The following PKDREJ variants were observed in gnomAD, a reference collection of about 807,000 sequenced individuals.
PKDREJ encodes the protein polycystin family receptor for egg jelly, also known as PKD and REJ homolog.
For missense variants in PKDREJ, 2,507 were observed against 2,807.2 expected (o/e 0.89, Z 2.42); for synonymous variants, 1,031 against 1,095.5 (o/e 0.94, Z 1.16).
In PKDREJ at chr22:46,262,296, C is replaced by T; in HGVS notation, c.1027G>A (p.Asp343Asn). 6.2e-7 allele frequency: 1 copy of T among 1,614,180 alleles called. No homozygotes were observed. Among genetic ancestry groups the T allele is most frequent in the Non-Finnish European group, 8.5e-7 (1 of 1,180,044 alleles). ...RSSLQAVMLGDANITANFTEQ... is the reference protein window; with the variant it reads ...RSSLQAVMLGNANITANFTEQ... ...GTGAAATTAGCTGTTATGTTGGCAT[C>T]GCCAAGCATCACCGCCTGCAGGGAA... Residue 343 changes from aspartate to asparagine, a missense_variant, in exon 1 of 1, where the codon GAT becomes AAT. Coordinates refer to ENST00000253255, the MANE Select transcript of PKDREJ (RefSeq NM_006071.2). The surrounding 1 kb of genome is among the most constrained non-coding windows in gnomAD (Gnocchi z 8.1).
chr22:46,262,512 G>T lies in PKDREJ; in HGVS notation c.811C>A (p.Pro271Thr). The T allele has an allele frequency of 6.3e-7, 1 of 1,587,504 alleles. No individual in the cohort carries two copies. Among genetic ancestry groups the T allele is most frequent in the Non-Finnish European group, 8.6e-7 (1 of 1,166,158 alleles). Residue 271 changes from proline (P) to threonine (T), a missense_variant, in exon 1 of 1, where the codon CCC becomes ACC. Coordinates refer to ENST00000253255, the MANE Select transcript of PKDREJ (RefSeq NM_006071.2). The surrounding 1 kb of genome is among the most constrained non-coding windows in gnomAD (Gnocchi z 8.1). Reference sequence around the variant, plus strand: ...AGATCCAAGGGCTGCGTCCAGTCGGGCGCCTGACCCACGGCGGGCACGGAG... The same window carrying T: ...AGATCCAAGGGCTGCGTCCAGTCGGTCGCCTGACCCACGGCGGGCACGGAG... ...VFSVPAVGQA[P>T]DWTQPLDLPQ...
At position 46,257,794 on chromosome 22, in the gene PKDREJ, T is replaced by A. The variant is rs1936649472; in HGVS notation, c.5529A>T (p.Glu1843Asp). 1 of 1,614,080 alleles carries A rather than the reference T, an allele frequency of 6.2e-7. No homozygotes were observed. The highest frequency in any genetic ancestry group is 1.1e-5 in the South Asian group (1 of 91,084). The change falls in exon 1 of 1, where the codon GAA becomes GAT. Residue 1843 changes from glutamate (E) to aspartate (D), a missense_variant. Transcript: ENST00000253255. This position sits in a 1 kb window ranked among gnomAD's most constrained non-coding sequence, Gnocchi z 4.7. ...TCTCATCTATAGCCTGCTTATCAAC[T>A]TCATTCCAAAAGCCAGAATAGTTTT... ...DTKNYSGFWN[E>D]VDKQAIDEST...
Position 46,262,335 on chromosome 22 carries a change from A to G in PKDREJ, c.988T>C (p.Trp330Arg), listed in dbSNP as rs147059681. ...EVKDSDAVYV[W>R]IVRSSLQAVM... ...GCCTGCAGGGAACTCCTGACGATCC[A>G]GACATAGACGGCGTCCGAGTCTTTC... The change falls in exon 1 of 1, where the codon TGG (tryptophan) becomes CGG (arginine). Residue 330 changes from tryptophan to arginine, a missense_variant. Trp to Arg is a moderately radical substitution (Grantham distance 101). Coordinates refer to ENST00000253255, the MANE Select transcript of PKDREJ (RefSeq NM_006071.2). This position sits in a 1 kb window ranked among gnomAD's most constrained non-coding sequence, Gnocchi z 8.1. The G allele has an allele frequency of 1.5e-4, 238 of 1,614,088 alleles. No individual in the cohort carries two copies. Among genetic ancestry groups the G allele is most frequent in the Non-Finnish European group, 1.9e-4 (221 of 1,180,042 alleles).
Position 46,260,352 on chromosome 22 carries a change from T to C in PKDREJ, c.2971A>G (p.Ser991Gly). Reference protein sequence around the residue: ...TTGGFSFQVDSTVLREVLVHI... With the variant: ...TTGGFSFQVDGTVLREVLVHI... ...ACCAGAACCTCCCTAAGCACTGTGC[T>C]GTCCACTTGAAAGCTAAACCCACCT... Residue 991 changes from serine to glycine, a missense_variant, in exon 1 of 1, where the codon AGC becomes GGC. Coordinates refer to ENST00000253255, the MANE Select transcript of PKDREJ (RefSeq NM_006071.2). This position sits in a 1 kb window ranked among gnomAD's most constrained non-coding sequence, Gnocchi z 4.5. 6.2e-7 allele frequency: 1 copy of C among 1,614,230 alleles called. No individual in the cohort carries two copies. The highest frequency in any genetic ancestry group is 8.5e-7 in the Non-Finnish European group (1 of 1,180,046).
Position 46,258,364 on chromosome 22 carries a change from A to T in PKDREJ, c.4959T>A (p.Tyr1653Ter). 2 of 1,614,166 alleles carry T rather than the reference A, an allele frequency of 1.2e-6. No homozygotes were observed. The highest frequency in any genetic ancestry group is 1.7e-6 in the Non-Finnish European group (2 of 1,180,048). ...CATCCAACCTGATCTCAGTATATTT[A>T]TACTTGGTTGACCATGAAAGGTTTT... ...YCKNLSWSTK[Y>*]KYTEIRLDGM... Residue 1653 changes from tyrosine to a stop codon, truncating the protein, a stop_gained, in exon 1 of 1, where the codon TAT becomes TAA. Transcript: ENST00000253255. LOFTEE classifies it low-confidence loss of function (END_TRUNC). The surrounding 1 kb of genome is among the most constrained non-coding windows in gnomAD (Gnocchi z 6.1).
rs1207123103 is a variant in PKDREJ at position 46,256,105 on chromosome 22, G to A, written c.*456C>T. On this transcript the variant is annotated 3_prime_UTR_variant, in exon 1 of 1. Transcript: ENST00000253255. The surrounding 1 kb of genome is among the most constrained non-coding windows in gnomAD (Gnocchi z 5.3). The stretch of plus-strand genomic sequence containing the variant: ...GGTCTACAAAGGGGCCTCCCAGTGA[G>A]GCCGAGGAGTTTGGGGCTCTGTCAG... The A allele has an allele frequency of 6.4e-6, 1 of 156,934 alleles. No individual in the cohort carries two copies. Among genetic ancestry groups the A allele is most frequent in the Admixed American group, 6.2e-5 (1 of 16,080 alleles). The allele number at this position is 156,934 out of a possible 1,614,324, so 9.7% of individuals were successfully genotyped here. A position where few individuals can be genotyped will look rare whatever the true frequency, so the allele number is the denominator to read the frequency against.
In PKDREJ at chr22:46,259,097, T is replaced by A. The variant is rs1226757562; in HGVS notation, c.4226A>T (p.Asn1409Ile). The change falls in exon 1 of 1, where the codon AAT (asparagine) becomes ATT (isoleucine). Residue 1409 changes from asparagine (N) to isoleucine (I), a missense_variant. By Grantham distance (149) the Asn-to-Ile change is moderately radical. Transcript: ENST00000253255. This position sits in a 1 kb window ranked among gnomAD's most constrained non-coding sequence, Gnocchi z 6.8. The stretch of plus-strand genomic sequence containing the variant: ...CTCAGTTTGTTCTTGTCTATTTAGA[T>A]TAAAGAACATAATGTTACAAAGAAG... Reference protein sequence around the residue: ...SSLLCNIMFFNLNRQEQTESR... With the variant: ...SSLLCNIMFFILNRQEQTESR... The A allele has an allele frequency of 6.2e-7, 1 of 1,613,028 alleles. No individual in the cohort carries two copies. The highest frequency in any genetic ancestry group is 1.3e-5 in the African/African-American group (1 of 74,908).
In PKDREJ at chr22:46,257,721, A is replaced by C. The variant is rs376830338; in HGVS notation, c.5602T>G (p.Tyr1868Asp). Reference protein sequence around the residue: ...YKPQGTQWLYYSYGLLHTYGS... With the variant: ...YKPQGTQWLYDSYGLLHTYGS... Reference sequence around the variant, plus strand: ...TAGGTGTGTAGTAGTCCATAGGAATAATATAGCCATTGCGTTCCTTGAGGC... The same window carrying C: ...TAGGTGTGTAGTAGTCCATAGGAATCATATAGCCATTGCGTTCCTTGAGGC... Residue 1868 changes from tyrosine (Y) to aspartate (D), a missense_variant, in exon 1 of 1, where the codon TAT becomes GAT. Coordinates refer to ENST00000253255, the MANE Select transcript of PKDREJ (RefSeq NM_006071.2). This position sits in a 1 kb window ranked among gnomAD's most constrained non-coding sequence, Gnocchi z 4.7. 4 of 1,614,206 alleles carry C rather than the reference A, an allele frequency of 2.5e-6. No individual in the cohort carries two copies. Among genetic ancestry groups the C allele is most frequent in the Non-Finnish European group, 2.5e-6 (3 of 1,180,028 alleles).
chr22:46,256,716 T>C lies in PKDREJ; in HGVS notation c.6607A>G (p.Met2203Val). 1 of 1,614,114 alleles carries C rather than the reference T, an allele frequency of 6.2e-7. No individual in the cohort carries two copies. The highest frequency in any genetic ancestry group is 1.1e-5 in the South Asian group (1 of 91,076). The change falls in exon 1 of 1, where the codon ATG (methionine) becomes GTG (valine). Residue 2203 changes from methionine (M) to valine (V), a missense_variant. Coordinates refer to ENST00000253255, the MANE Select transcript of PKDREJ (RefSeq NM_006071.2). This position sits in a 1 kb window ranked among gnomAD's most constrained non-coding sequence, Gnocchi z 5.3. Reference sequence around the variant, plus strand: ...GATTGCGAGGTCAGAAAGCTGAACATGGTTCTCAGCTTACGGCACAAATAG... The same window carrying C: ...GATTGCGAGGTCAGAAAGCTGAACACGGTTCTCAGCTTACGGCACAAATAG... ...MTYLCRKLRT[M>V]FSFLTSQSKA... is the part of the protein sequence containing the mutation.
Position 46,258,563 on chromosome 22 carries a change from G to T in PKDREJ, c.4760C>A (p.Thr1587Asn). 1 of 1,614,202 alleles carries T rather than the reference G, an allele frequency of 6.2e-7. No homozygotes were observed. The highest frequency in any genetic ancestry group is 8.5e-7 in the Non-Finnish European group (1 of 1,180,024). ...AATGAAGAATGAGGATATGCTAGAA[G>T]TAGCAAAAACCAAAAACCATGCAAC... ...VYVAWFLVFA[T>N]SSISSFFIVF... Residue 1587 changes from threonine (T) to asparagine (N), a missense_variant, in exon 1 of 1, where the codon ACT becomes AAT. Thr to Asn is a moderately conservative substitution (Grantham distance 65, BLOSUM62 0). Coordinates refer to ENST00000253255, the MANE Select transcript of PKDREJ (RefSeq NM_006071.2). The surrounding 1 kb of genome is among the most constrained non-coding windows in gnomAD (Gnocchi z 6.1).
chr22:46,259,585 G>C lies in PKDREJ; in HGVS notation c.3738C>G (p.Thr1246=). 1.9e-6 allele frequency: 3 copies of C among 1,614,148 alleles called. No individual in the cohort carries two copies. The highest frequency in any genetic ancestry group is 2.2e-5 in the East Asian group (1 of 44,886). The part of the protein sequence containing the change: ...IFTGSRWGSG[T]RANVFVQLRG... Reference sequence around the variant, plus strand: ...TAAGTTGCACAAAGACATTGGCCCTGGTCCCAGACCCCCAACGACTTCCTG... The same window carrying C: ...TAAGTTGCACAAAGACATTGGCCCTCGTCCCAGACCCCCAACGACTTCCTG... Residue 1246 remains threonine, a synonymous_variant, in exon 1 of 1, where the codon ACC becomes ACG. Transcript: ENST00000253255. The surrounding 1 kb of genome is among the most constrained non-coding windows in gnomAD (Gnocchi z 6.8).
chr22:46,257,388 C>T lies in PKDREJ; in HGVS notation c.5935G>A (p.Val1979Ile), dbSNP rs140505489. The change falls in exon 1 of 1, where the codon GTT (valine) becomes ATT (isoleucine). Residue 1979 changes from valine to isoleucine, a missense_variant. Physicochemically the swap from Val to Ile is conservative, Grantham distance 29 (BLOSUM62 3). Transcript: ENST00000253255. This position sits in a 1 kb window ranked among gnomAD's most constrained non-coding sequence, Gnocchi z 4.7. Reference protein sequence around the residue: ...VAILIFFLAYVVDEGCIIMQE... With the variant: ...VAILIFFLAYIVDEGCIIMQE... ...ATAATGATACAACCCTCATCAACAACGTAGGCTAAGAAAAAAATGAGAATG... is the reference window on the plus strand; with the variant it reads ...ATAATGATACAACCCTCATCAACAATGTAGGCTAAGAAAAAAATGAGAATG... 116 of 1,613,976 alleles carry T rather than the reference C, an allele frequency of 7.2e-5. No homozygotes were observed. The highest frequency in any genetic ancestry group is 8.7e-5 in the Non-Finnish European group (103 of 1,180,014).
Position 46,262,887 on chromosome 22 carries a change from G to A in PKDREJ, c.436C>T (p.Arg146Trp), listed in dbSNP as rs1398328193. ...PGRLAWAFRL[R>W]LLGPGAARPA... ...CGGGCGGCGCCGGGTCCGAGCAGCC[G>A]CAGGCGGAAGGCCCAGGCCAGGCGC... is the stretch of plus-strand genomic sequence containing the variant. The change falls in exon 1 of 1, where the codon CGG becomes TGG. Residue 146 changes from arginine to tryptophan, a missense_variant. Physicochemically the swap from Arg to Trp is moderately radical, Grantham distance 101 (BLOSUM62 -3). Transcript: ENST00000253255. This position sits in a 1 kb window ranked among gnomAD's most constrained non-coding sequence, Gnocchi z 8.1. The A allele has an allele frequency of 5.6e-6, 6 of 1,075,596 alleles. No homozygotes were observed. Among genetic ancestry groups the A allele is most frequent in the Non-Finnish European group, 6.7e-6 (6 of 889,050 alleles). 66.6% of individuals were successfully genotyped at this position (1,075,596 alleles called of 1,614,324 possible). A position where few individuals can be genotyped will look rare whatever the true frequency, so the allele number is the denominator to read the frequency against.
chr22:46,257,309 A>G lies in PKDREJ; in HGVS notation c.6014T>C (p.Leu2005Ser), dbSNP rs781084135. ...AATCAACACAGTAAATATGCACTTT[A>G]AAGCAAAGTTGAGCAAATTATACAC... ...RSVYNLLNFA[L>S]KCIFTVLIVL... The change falls in exon 1 of 1, where the codon TTA becomes TCA. Residue 2005 changes from leucine (L) to serine (S), a missense_variant. Coordinates refer to ENST00000253255, the MANE Select transcript of PKDREJ (RefSeq NM_006071.2). The surrounding 1 kb of genome is among the most constrained non-coding windows in gnomAD (Gnocchi z 4.7). 46 of 1,613,948 alleles carry G rather than the reference A, an allele frequency of 2.9e-5. No homozygotes were observed. Among genetic ancestry groups the G allele is most frequent in the Admixed American group, 8.3e-5 (5 of 60,010 alleles).
At position 46,261,822 on chromosome 22, in the gene PKDREJ, C is replaced by T. The variant is rs1359302631; in HGVS notation, c.1501G>A (p.Gly501Ser). The T allele has an allele frequency of 6.2e-7, 1 of 1,613,996 alleles. No homozygotes were observed. Among genetic ancestry groups the T allele is most frequent in the Non-Finnish European group, 8.5e-7 (1 of 1,180,000 alleles). ...YKWSILSSSG[G>S]EMLFDWMGET... ...CCCATCCAATCAAATAGCATCTCAC[C>T]ACCTGAAGAAGACAAAATTGACCAT... The change falls in exon 1 of 1, where the codon GGT (glycine) becomes AGT (serine). Residue 501 changes from glycine to serine, a missense_variant. Transcript: ENST00000253255. The surrounding 1 kb of genome is among the most constrained non-coding windows in gnomAD (Gnocchi z 7.1).
chr22:46,257,927 G>T lies in PKDREJ; in HGVS notation c.5396C>A (p.Ala1799Glu), dbSNP rs749671159. ...LGLPLMRQVR[A>E]KSSEKMCLPA... ...TAGACACATTTTTTCACTAGATTTTGCTCTCACTTGCCTCATCAATGGAAG... is the reference window on the plus strand; with the variant it reads ...TAGACACATTTTTTCACTAGATTTTTCTCTCACTTGCCTCATCAATGGAAG... The change falls in exon 1 of 1, where the codon GCA (alanine) becomes GAA (glutamate). Residue 1799 changes from alanine (A) to glutamate (E), a missense_variant. Physicochemically the swap from Ala to Glu is moderately radical, Grantham distance 107. Coordinates refer to ENST00000253255, the MANE Select transcript of PKDREJ (RefSeq NM_006071.2). This position sits in a 1 kb window ranked among gnomAD's most constrained non-coding sequence, Gnocchi z 4.7. 8 of 1,614,062 alleles carry T rather than the reference G, an allele frequency of 5.0e-6. No individual in the cohort carries two copies. The East Asian group carries it at 1.8e-4, about 36-fold the overall frequency.
Position 46,259,796 on chromosome 22 carries a change from ATGT to A in PKDREJ, c.3524_3526del (p.Asn1175del). The A allele has an allele frequency of 6.2e-7, 1 of 1,614,058 alleles. No individual in the cohort carries two copies. Among genetic ancestry groups the A allele is most frequent in the Non-Finnish European group, 8.5e-7 (1 of 1,180,038 alleles). ...GGGGTTTTGGTGAAGGCTCTTGATGATGTTTAACCGTAGATCCACAGGATTAGG... is the reference window on the plus strand; with the variant it reads ...GGGGTTTTGGTGAAGGCTCTTGATGATTAACCGTAGATCCACAGGATTAGG... On this transcript the variant is annotated inframe_deletion, in exon 1 of 1. Transcript: ENST00000253255. This position sits in a 1 kb window ranked among gnomAD's most constrained non-coding sequence, Gnocchi z 6.8.
Position 46,259,846 on chromosome 22 carries a change from C to G in PKDREJ, c.3477G>C (p.Val1159=). Residue 1159 remains valine (V), a synonymous_variant, in exon 1 of 1, where the codon GTG becomes GTC. Coordinates refer to ENST00000253255, the MANE Select transcript of PKDREJ (RefSeq NM_006071.2). The surrounding 1 kb of genome is among the most constrained non-coding windows in gnomAD (Gnocchi z 6.8). ...TAGGGATCACAATCACCTTGGCCAT[C>G]ACATAGTGGGTATGCAGGTGAATGC... ...LTGIHLHTHY[V]MAKVIVIPNP... is the part of the protein sequence containing the mutation. 1.2e-6 allele frequency: 2 copies of G among 1,613,538 alleles called. No individual in the cohort carries two copies. The highest frequency in any genetic ancestry group is 1.7e-6 in the Non-Finnish European group (2 of 1,180,028).
In PKDREJ at chr22:46,258,673, G is replaced by A. The variant is rs1351016096; in HGVS notation, c.4650C>T (p.Val1550=). The A allele has an allele frequency of 6.2e-7, 1 of 1,614,202 alleles. No homozygotes were observed. The highest frequency in any genetic ancestry group is 1.7e-5 in the Admixed American group (1 of 60,028). The part of the protein sequence containing the change: ...SNNNIEDDQD[V]HSEQHPSQKD... ...TTTGGGAAGGGTGCTGTTCGGAATG[G>A]ACATCCTGATCATCTTCTATGTTGT... The change falls in exon 1 of 1, where the codon GTC becomes GTT. Residue 1550 remains valine (V), a synonymous_variant. Transcript: ENST00000253255. This position sits in a 1 kb window ranked among gnomAD's most constrained non-coding sequence, Gnocchi z 6.1.
Sources: allele counts gnomAD v4.1 joint callset, GRCh38; gene constraint gnomAD v4.1.1; non-coding constraint Gnocchi (gnomAD v3.1); transcripts MANE v1.5; gene names NCBI Gene and HGNC (gene_info 2026-07-23, HGNC 2026-07-21).